The following INSR variants were observed in gnomAD, a reference collection of about 807,000 sequenced individuals.
The protein encoded by INSR is insulin receptor, also known as IR.
INSR carries 67 observed loss-of-function variants against 142.6 expected under a neutral mutation model. The observed-to-expected ratio is 0.47, with a 90% CI of 0.39 to 0.58. The LOEUF (loss-of-function observed/expected upper bound fraction) is 0.58, where lower values mean the gene tolerates loss of function less well. Among genes scored for constraint, INSR ranks in the 20% least tolerant of loss-of-function variants. The pLI, the probability that INSR is intolerant of heterozygous loss-of-function variation, is 0.00. For missense variants in INSR, 1,248 were observed against 1,833.2 expected (o/e 0.68, Z 5.83); for synonymous variants, 756 against 743.1 (o/e 1.02, Z -0.28).
chr19:7,192,947 G>A lies in INSR; in HGVS notation c.653-8310C>T, dbSNP rs555503432. Among the ~76,000 whole-genome samples the A allele has an allele frequency of 2.5e-4, 38 of 152,216 alleles. No individual in the cohort carries two copies. The South Asian group carries it at 6.6e-3, about 27-fold the overall frequency. On this transcript the variant is annotated intron_variant, in intron 2 of 21. Coordinates refer to ENST00000302850, the MANE Select transcript of INSR (RefSeq NM_000208.4). This position sits in a 1 kb window ranked among gnomAD's most constrained non-coding sequence, Gnocchi z 4.2. ...GAGGAGAAAGGAGACCGCTGTGTCAGAGTCCTCTGGTGGACCCTCCCCAAG... is the reference window on the plus strand; with the variant it reads ...GAGGAGAAAGGAGACCGCTGTGTCAAAGTCCTCTGGTGGACCCTCCCCAAG...
At chr19:7,277,829 C>T (rs1052631021) in intron 1 of INSR, among the ~76,000 whole-genome samples, 3 of 150,112 alleles carry the variant, frequency 2.0e-5, no homozygotes, top group Non-Finnish European at 3.0e-5. Flanking sequence ...CGGTGGCTCA[C>T]GCCTGTAATC....
chr19:7,168,130 T>C lies in INSR; in HGVS notation c.1484-36A>G. ...TAAAACAAAAGGCAAAAATGAGCTATTTCAGTGTAGTTTCAGACCAAAGCC... is the reference window on the plus strand; with the variant it reads ...TAAAACAAAAGGCAAAAATGAGCTACTTCAGTGTAGTTTCAGACCAAAGCC... On this transcript the variant is annotated intron_variant, in intron 6 of 21. Transcript: ENST00000302850. This position sits in a 1 kb window ranked among gnomAD's most constrained non-coding sequence, Gnocchi z 4.3. 1 of 1,610,878 alleles carries C rather than the reference T, an allele frequency of 6.2e-7. No homozygotes were observed. Among genetic ancestry groups the C allele is most frequent in the Non-Finnish European group, 8.5e-7 (1 of 1,177,836 alleles).
rs554644105 is a variant in INSR, at chr19:7,156,045, T to A, written c.2030-3118A>T. Among the ~76,000 whole-genome samples the A allele has an allele frequency of 1.7e-3, 253 of 146,766 alleles. 1 individual carries two copies. The highest frequency in any genetic ancestry group is 3.2e-3 in the Non-Finnish European group (215 of 66,930). ...TGGGAGGGCAGAGTAGAATGCCATATGGAATTCTTTTTTTTTTTTTTTTTT... is the reference window on the plus strand; with the variant it reads ...TGGGAGGGCAGAGTAGAATGCCATAAGGAATTCTTTTTTTTTTTTTTTTTT... On this transcript the variant is annotated intron_variant, in intron 9 of 21. Coordinates refer to ENST00000302850, the MANE Select transcript of INSR (RefSeq NM_000208.4).
At chr19:7,282,868 G>C (rs950575676) in intron 1 of INSR, among the ~76,000 whole-genome samples, 2 of 151,926 alleles carry the variant, frequency 1.3e-5, no homozygotes, top group African/African-American at 4.8e-5. Context: ...TGCTACTCAG[G>C]AGGCTGAGGC....
intron 2 of INSR, among the ~76,000 whole-genome samples, chr19:7,196,784 A>T (rs901624192): frequency 3.3e-5 from 5 of 149,576 alleles, no homozygotes; most frequent in Non-Finnish European, 4.5e-5. Context: ...TCCAAAGTTT[A>T]AAAAAAAAAT....
chr19:7,253,318 A>T (rs1976791879), intron 2 of INSR, among the ~76,000 whole-genome samples: 1 of 151,910 alleles, frequency 6.6e-6, no homozygotes. Flanking sequence ...GACTCACTGC[A>T]ACCTCCACCT....
At chr19:7,167,840 GAT>G (rs1447775403) in intron 7 of INSR, 126 bp downstream of exon 7, 2 of 1,143,568 alleles carry the variant, frequency 1.7e-6, no homozygotes, top group Admixed American at 1.9e-5. Context: ...AGGAACCTAA[GAT>G]ATTTATTCCA....
intron 2 of INSR, among the ~76,000 whole-genome samples, chr19:7,254,406 A>G (rs1976828529): frequency 1.3e-5 from 2 of 152,034 alleles, no homozygotes; most frequent in Non-Finnish European, 2.9e-5. Context: ...GCATGCACCC[A>G]TAGTTCCAGC....
At chr19:7,272,912 G>A (rs1417011559) in intron 1 of INSR, among the ~76,000 whole-genome samples, 1 of 152,126 alleles carries the variant, frequency 6.6e-6, no homozygotes, top group Non-Finnish European at 1.5e-5. Context: ...CATGTTGTCT[G>A]ACTCCATTCA....
intron 1 of INSR, among the ~76,000 whole-genome samples, chr19:7,269,345 A>T (rs1235647816): frequency 6.8e-6 from 1 of 146,774 alleles, no homozygotes; most frequent in Non-Finnish European, 1.5e-5. Flanking sequence ...ATCACATTCC[A>T]TGCAGCAAAT....
intron 21 of INSR, among the ~76,000 whole-genome samples, chr19:7,118,629 A>G (rs1972397247): frequency 6.6e-6 from 1 of 151,844 alleles, no homozygotes; most frequent in Admixed American, 6.6e-5. Flanking sequence ...ACCTGACAAA[A>G]TTTTAAGTGT....
chr19:7,250,979 G>A (rs1976709476), intron 2 of INSR, among the ~76,000 whole-genome samples: 2 of 151,810 alleles, frequency 1.3e-5, no homozygotes, highest in African/African-American at 4.9e-5. Context: ...TAAAAGGAAA[G>A]GGATGGAGGG....
At chr19:7,184,712 T>G in intron 2 of INSR, 75 bp from the exon 3 acceptor site, 1 of 1,096,820 alleles carries the variant, frequency 9.1e-7, no homozygotes, top group Non-Finnish European at 1.2e-6. Context: ...ATAAATGGCT[T>G]TGTCCAATTC....
intron 1 of INSR, among the ~76,000 whole-genome samples, chr19:7,276,364 T>G (rs1968062926): frequency 6.6e-6 from 1 of 152,036 alleles, no homozygotes; most frequent in Non-Finnish European, 1.5e-5. Context: ...CAGGCTGGTC[T>G]CAATATCCTG....
chr19:7,139,704 A>T (rs1035522127), intron 13 of INSR, among the ~76,000 whole-genome samples: 7 of 152,186 alleles, frequency 4.6e-5, no homozygotes, highest in African/African-American at 1.7e-4. Flanking sequence ...TTCATTTAGC[A>T]AACAGGGCCC....
intron 10 of INSR, among the ~76,000 whole-genome samples, chr19:7,151,363 A>G (rs1184254207): frequency 6.7e-6 from 1 of 148,286 alleles, no homozygotes; most frequent in East Asian, 2.0e-4. Flanking sequence ...GCAGCCTCCA[A>G]CTCCTGTGCT....
At chr19:7,128,979 G>A in intron 14 of INSR, 25 bp from the exon 15 acceptor site, 1 of 1,532,648 alleles carries the variant, frequency 6.5e-7, no homozygotes, top group Non-Finnish European at 9.0e-7. Context: ...GAAAATATAT[G>A]TTTCATATCA....
At chr19:7,187,071 G>A (rs577284417) in intron 2 of INSR, among the ~76,000 whole-genome samples, 35 of 151,288 alleles carry the variant, frequency 2.3e-4, no homozygotes, top group African/African-American at 8.2e-4. Context: ...AATAATATAG[G>A]ATTTATTCTT....
chr19:7,276,151 G>T (rs66676032), intron 1 of INSR, among the ~76,000 whole-genome samples: 39,337 of 151,840 alleles, frequency 0.26, 5,356 homozygotes, highest in Non-Finnish European at 0.3. Flanking sequence ...TTCAGTTACA[G>T]GATTTTTTTT....
Sources: gnomAD v4.1 joint callset for allele counts (sites outside exome capture counted in the v4.1 genomes callset) on GRCh38, gnomAD v4.1.1 for gene constraint, Gnocchi (gnomAD v3.1) non-coding constraint, MANE v1.5 for transcripts, NCBI Gene and HGNC (gene_info 2026-07-23, HGNC 2026-07-21) for gene names.